RAC2: variants seen among roughly 807,000 people sequenced by gnomAD.
RAC2 encodes the protein ras-related C3 botulinum toxin substrate 2.
RAC2 carries 1 observed loss-of-function variant against 24.0 expected under a neutral mutation model. The observed-to-expected ratio is 0.04, with a 90% CI of 0.01 to 0.20. The LOEUF is 0.20. Among genes scored for constraint, RAC2 ranks in the 10% least tolerant of loss-of-function variants. The pLI is 1.00. For missense variants in RAC2, 130 were observed against 259.1 expected, an observed-to-expected ratio of 0.50 and a Z score of 3.42; for synonymous variants, 114 against 106.8, an observed-to-expected ratio of 1.07 and a Z score of -0.41.
intron 2 of RAC2, among the ~76,000 whole-genome samples, chr22:37,238,529 G>A (rs900170928): frequency 2.6e-5 from 4 of 152,142 alleles, no homozygotes; most frequent in South Asian, 2.1e-4. Context: ...CATGAGCCAC[G>A]GCGCCCAGCC....
chr22:37,230,938 CAG>C lies in RAC2; in HGVS notation c.448+291_448+292del, dbSNP rs1258108654. Among the ~76,000 whole-genome samples, 3 of 152,332 alleles carry C rather than the reference CAG, an allele frequency of 2.0e-5. No homozygotes were observed. The East Asian group carries it at 5.8e-4, about 29-fold the overall frequency. On this transcript the variant is annotated intron_variant, in intron 5 of 6. Coordinates refer to ENST00000249071, the MANE Select transcript of RAC2 (RefSeq NM_002872.5). ...ACTACTAGGACGACTACTACTAACACAGAGTGCTTCTCACACACAGGTGCTGC... is the reference window on the plus strand; with the variant it reads ...ACTACTAGGACGACTACTACTAACACAGTGCTTCTCACACACAGGTGCTGC...
In RAC2 at chr22:37,231,675, G is replaced by A. The variant is rs760063271; in HGVS notation, c.288+257C>T. ...ATGAGGTTATGTGACAATCGGAGGC[G>A]GACATGAGGTTGTGTGGGGAGGAGG... On this transcript the variant is annotated intron_variant, in intron 4 of 6. Coordinates refer to ENST00000249071, the MANE Select transcript of RAC2 (RefSeq NM_002872.5). This position sits in a 1 kb window ranked among gnomAD's most constrained non-coding sequence, Gnocchi z 5.5. Among the ~76,000 whole-genome samples the A allele has an allele frequency of 2.0e-5, 3 of 151,990 alleles. No homozygotes were observed. Among genetic ancestry groups the A allele is most frequent in the East Asian group, 1.9e-4 (1 of 5,192 alleles).
intron 3 of RAC2, 66 bp from the exon 4 acceptor site, chr22:37,232,060 C>A: frequency 5.3e-6 from 8 of 1,509,624 alleles, no homozygotes; most frequent in South Asian, 1.2e-5. Flanking sequence ...TGGCAGCCAC[C>A]GAGAGGTGGA....
chr22:37,236,312 A>G, intron 2 of RAC2, among the ~76,000 whole-genome samples: 1 of 152,192 alleles, frequency 6.6e-6, no homozygotes, highest in East Asian at 1.9e-4. Context: ...GGAATGTGTC[A>G]ATGGTGTGAC....
chr22:37,240,141 C>A (rs560799783), intron 2 of RAC2, among the ~76,000 whole-genome samples: 2 of 152,164 alleles, frequency 1.3e-5, no homozygotes, highest in East Asian at 1.9e-4. Flanking sequence ...GAGAGCCCAG[C>A]CCACCCAAGT....
chr22:37,226,786 C>G lies in RAC2; in HGVS notation c.466G>C (p.Glu156Gln). Residue 156 changes from glutamate to glutamine, a missense_variant, in exon 6 of 7, where the codon GAG (glutamate) becomes CAG (glutamine). Transcript: ENST00000249071. The part of the protein sequence containing the change: ...AKEIDSVKYL[E>Q]CSALTQRGLK... ...CCTCTCTGGGTGAGAGCTGAGCACTCCAGGTATTTCACCGAGTCTGGTTGG... is the reference window on the plus strand; with the variant it reads ...CCTCTCTGGGTGAGAGCTGAGCACTGCAGGTATTTCACCGAGTCTGGTTGG... The G allele has an allele frequency of 1.2e-6, 2 of 1,612,900 alleles. No homozygotes were observed. The highest frequency in any genetic ancestry group is 1.7e-6 in the Non-Finnish European group (2 of 1,179,508).
At position 37,231,120 on chromosome 22, in the gene RAC2, G is replaced by T; in HGVS notation, c.448+111C>A. 1 of 1,319,538 alleles carries T rather than the reference G, an allele frequency of 7.6e-7. No individual in the cohort carries two copies. Among genetic ancestry groups the T allele is most frequent in the Non-Finnish European group, 1.1e-6 (1 of 925,030 alleles). 81.7% of individuals were successfully genotyped at this position (1,319,538 alleles called of 1,614,324 possible). A position where few individuals can be genotyped will look rare whatever the true frequency, so the allele number is the denominator to read the frequency against. ...CACACAGCAAGTGCACAGCACAGCT[G>T]AGTTCAAACTGCACAGCCTGGCCCT... On this transcript the variant is annotated intron_variant, in intron 5 of 6. Coordinates refer to ENST00000249071, the MANE Select transcript of RAC2 (RefSeq NM_002872.5). This position sits in a 1 kb window ranked among gnomAD's most constrained non-coding sequence, Gnocchi z 5.5.
intron 2 of RAC2, chr22:37,240,960 A>G: frequency 1.4e-6 from 1 of 708,222 alleles, no homozygotes; most frequent in Non-Finnish European, 2.6e-6. Context: ...TGGGAGGTTG[A>G]GTGAAGGCCA....
At chr22:37,232,059 C>T (rs563313414) in intron 3 of RAC2, 65 bp from the exon 4 acceptor site, 1 of 1,513,514 alleles carries the variant, frequency 6.6e-7, no homozygotes. Context: ...ATGGCAGCCA[C>T]CGAGAGGTGG....
chr22:37,226,588 G>A, intron 6 of RAC2, 83 bp downstream of exon 6: 1 of 1,554,670 alleles, frequency 6.4e-7, no homozygotes, highest in East Asian at 2.3e-5. Flanking sequence ...TGGCCTAAAT[G>A]CCACTCACAG....
intron 3 of RAC2, chr22:37,232,588 G>C (rs1927099565): frequency 1.7e-6 from 1 of 594,172 alleles, no homozygotes; most frequent in African/African-American, 1.8e-5. Context: ...GTGGGAAGAT[G>C]GGCACATTGA....
In RAC2 at chr22:37,225,989, T is replaced by C. The variant is rs56409223; in HGVS notation, c.*53A>G. 6,368 of 152,238 alleles carry C rather than the reference T, an allele frequency of 0.042. 331 individuals are homozygous for C. Among genetic ancestry groups the C allele is most frequent in the African/African-American group, 0.12 (4,965 of 41,238 alleles). The allele number at this position is 152,238 out of a possible 1,614,324, so 9.4% of individuals were successfully genotyped here. A position where few individuals can be genotyped will look rare whatever the true frequency, so the allele number is the denominator to read the frequency against. On this transcript the variant is annotated 3_prime_UTR_variant, in exon 7 of 7. Transcript: ENST00000249071. ...AGCCGGGGTGCCATCAGGCTTTGGG[T>C]GGGGATCCTGGAGGATCAGACCCAT...
intron 3 of RAC2, 28 bp downstream of exon 3, chr22:37,232,773 G>T (rs1174356531): frequency 6.4e-7 from 1 of 1,569,916 alleles, no homozygotes; most frequent in Admixed American, 1.7e-5. Context: ...CAAAGGTCAG[G>T]ACTGCAAGGC....
In RAC2 at chr22:37,231,316, G is replaced by T. The variant is rs771516943; in HGVS notation, c.363C>A (p.Asp121Glu). The T allele has an allele frequency of 6.2e-7, 1 of 1,614,114 alleles. No individual in the cohort carries two copies. Among genetic ancestry groups the T allele is most frequent in the Admixed American group, 1.7e-5 (1 of 60,014 alleles). Residue 121 changes from aspartate to glutamate, a missense_variant, in exon 5 of 7, where the codon GAC (aspartate) becomes GAA (glutamate). This residue lies in a region of RAC2 where 119 missense variants were observed against 192.1 expected (regional missense o/e 0.62). Transcript: ENST00000249071. This position sits in a 1 kb window ranked among gnomAD's most constrained non-coding sequence, Gnocchi z 5.5. ...ILVGTKLDLR[D>E]DKDTIEKLKE... ...TCAGTTTCTCGATGGTGTCCTTGTC[G>T]TCCCGCAGGTCCAGCTTGGTGCCCA... is the stretch of plus-strand genomic sequence containing the variant.
chr22:37,232,530 T>C, intron 3 of RAC2: 1 of 512,958 alleles, frequency 1.9e-6, no homozygotes, highest in East Asian at 3.6e-5. Flanking sequence ...AGAATCCACC[T>C]GCCCCACCAC....
intron 2 of RAC2, among the ~76,000 whole-genome samples, chr22:37,234,172 C>G (rs1174292704): frequency 2.0e-5 from 3 of 152,238 alleles, no homozygotes; most frequent in African/African-American, 7.2e-5. Flanking sequence ...TGATCCTGCC[C>G]CCACAGCTGG....
At chr22:37,229,236 T>C (rs1254579706) in intron 5 of RAC2, among the ~76,000 whole-genome samples, 1 of 138,248 alleles carries the variant, frequency 7.2e-6, no homozygotes, top group Admixed American at 7.5e-5. Context: ...CTCATTGCCA[T>C]GCGATGGCTC....
chr22:37,225,923 C>T lies in RAC2; in HGVS notation c.*119G>A. ...AAAGACCATCAACGAAGCTCTGCAG[C>T]CATCTGCTAAGAAACGCCACAGGGA... On this transcript the variant is annotated 3_prime_UTR_variant, in exon 7 of 7. Coordinates refer to ENST00000249071, the MANE Select transcript of RAC2 (RefSeq NM_002872.5). The T allele has an allele frequency of 6.5e-6, 1 of 153,006 alleles. No homozygotes were observed. Among genetic ancestry groups the T allele is most frequent in the Non-Finnish European group, 1.5e-5 (1 of 68,636 alleles). 9.5% of individuals were successfully genotyped at this position (153,006 alleles called of 1,614,324 possible). A position where few individuals can be genotyped will look rare whatever the true frequency, so the allele number is the denominator to read the frequency against.
rs749816337 is a variant in RAC2, at chr22:37,232,801, C to T, written c.225G>A (p.Thr75=). The T allele has an allele frequency of 2.5e-6, 4 of 1,610,898 alleles. No individual in the cohort carries two copies. The African/African-American group carries it at 4.0e-5, about 16-fold the overall frequency. ...TGCAAGGCAGGTGGGAGCAGCACAC[C>T]GTCTGTGGATAGGAGAGCGGCCGGA... The part of the protein sequence containing the change: ...DRLRPLSYPQ[T]DVFLICFSLV... Residue 75 remains threonine (T), a splice_region_variant and synonymous_variant, in exon 3 of 7, where the codon ACG becomes ACA. Transcript: ENST00000249071.
Sources: gnomAD v4.1 joint callset for allele counts (sites outside exome capture counted in the v4.1 genomes callset) on GRCh38, gnomAD v4.1.1 for gene constraint, gnomAD v4.1.1 regional missense constraint, Gnocchi (gnomAD v3.1) non-coding constraint, MANE v1.5 for transcripts, NCBI Gene and HGNC (gene_info 2026-07-23, HGNC 2026-07-21) for gene names.